The following SH3BGRL2 variants were observed in gnomAD, a reference collection of about 807,000 sequenced individuals.
SH3BGRL2 encodes the protein SH3 domain binding glutamate rich protein like 2, also known as SH3 domain-binding glutamic acid-rich-like protein 2.
SH3BGRL2 carries 21 observed loss-of-function variants against 14.8 expected under a neutral mutation model. The observed-to-expected ratio is 1.42, with a 90% CI of 1.01 to 2.05. The LOEUF (loss-of-function observed/expected upper bound fraction) is 2.05, where lower values mean the gene tolerates loss of function less well. Among genes scored for constraint, SH3BGRL2 ranks in the 30% most tolerant of loss-of-function variants. The pLI, the probability that SH3BGRL2 is intolerant of heterozygous loss-of-function variation, is 0.00. For missense variants in SH3BGRL2, 147 were observed against 130.8 expected (o/e 1.12, Z -0.61); for synonymous variants, 50 against 47.8 (o/e 1.05, Z -0.19).
In SH3BGRL2 at chr6:79,699,719, T is replaced by G. The variant is rs1163018038; in HGVS notation, c.*210T>G. The G allele has an allele frequency of 1.7e-6, 1 of 605,404 alleles. No homozygotes were observed. The highest frequency in any genetic ancestry group is 3.6e-5 in the Admixed American group (1 of 27,834). The allele number at this position is 605,404 out of a possible 1,614,324, so 37.5% of individuals were successfully genotyped here. On this transcript the variant is annotated 3_prime_UTR_variant, in exon 4 of 4. Transcript: ENST00000369838. Reference sequence around the variant, plus strand: ...ATCAGGTGGTGGATTTTTTTTTTCTTATTCTATTTGCCTGCAGTTGCCTCA... The same window carrying G: ...ATCAGGTGGTGGATTTTTTTTTTCTGATTCTATTTGCCTGCAGTTGCCTCA...
At chr6:79,565,403 GT>G in the SH3BGRL2 span, among the ~76,000 whole-genome samples, 1 of 151,862 alleles carries the variant, frequency 6.6e-6, no homozygotes, top group South Asian at 2.1e-4. Context: ...CAAATTCTAT[GT>G]TTTTTTACTA....
At chr6:79,603,181 T>C in the SH3BGRL2 span, among the ~76,000 whole-genome samples, 1 of 152,172 alleles carries the variant, frequency 6.6e-6, no homozygotes, top group African/African-American at 2.4e-5. Context: ...AAACCAGTTA[T>C]TTTTATTATT....
At chr6:79,587,875 CAAAG>C in the SH3BGRL2 span, among the ~76,000 whole-genome samples, 1 of 152,052 alleles carries the variant, frequency 6.6e-6, no homozygotes. Flanking sequence ...TGCAATAAGA[CAAAG>C]AAAAAAGAAG....
At chr6:79,572,510 G>C in the SH3BGRL2 span, among the ~76,000 whole-genome samples, 1 of 151,872 alleles carries the variant, frequency 6.6e-6, no homozygotes, top group Admixed American at 6.6e-5. Flanking sequence ...CTGTCGCCCA[G>C]GCTGGAGTGC....
At chr6:79,622,528 C>T in the SH3BGRL2 span, among the ~76,000 whole-genome samples, 5 of 152,294 alleles carry the variant, frequency 3.3e-5, no homozygotes, top group South Asian at 4.1e-4. Flanking sequence ...CTCACACAAC[C>T]ACTCACTCAT....
chr6:79,543,366 T>G, the SH3BGRL2 span, among the ~76,000 whole-genome samples: 1 of 152,196 alleles, frequency 6.6e-6, no homozygotes, highest in Non-Finnish European at 1.5e-5. Context: ...ACATGCAGGT[T>G]GTAGCTAACC....
chr6:79,561,232 C>T, the SH3BGRL2 span: 2 of 151,688 alleles, frequency 1.3e-5, no homozygotes, highest in African/African-American at 4.8e-5. Flanking sequence ...ACATTTAATA[C>T]TCTTAATAAT....
the SH3BGRL2 span, among the ~76,000 whole-genome samples, chr6:79,579,258 G>A: frequency 6.3e-3 from 966 of 152,206 alleles, 12 homozygotes; most frequent in African/African-American, 0.022. Context: ...TCCACAACCT[G>A]GCAAGGCAGG....
chr6:79,560,460 G>A, the SH3BGRL2 span, among the ~76,000 whole-genome samples: 2 of 152,230 alleles, frequency 1.3e-5, no homozygotes, highest in East Asian at 3.9e-4. Context: ...AGTATCCCTT[G>A]AGCTCAGGAG....
At chr6:79,620,621 A>G in the SH3BGRL2 span, among the ~76,000 whole-genome samples, 1 of 152,002 alleles carries the variant, frequency 6.6e-6, no homozygotes, top group African/African-American at 2.4e-5. Flanking sequence ...CCTGAAAAAA[A>G]GGGGAAGGGG....
the SH3BGRL2 span, among the ~76,000 whole-genome samples, chr6:79,570,951 A>G: frequency 1.3e-5 from 2 of 152,240 alleles, no homozygotes; most frequent in Non-Finnish European, 2.9e-5. Flanking sequence ...GAGCCTCAGT[A>G]CTGGTGGCAA....
chr6:79,543,558 C>T, the SH3BGRL2 span, among the ~76,000 whole-genome samples: 3 of 152,142 alleles, frequency 2.0e-5, no homozygotes, highest in African/African-American at 7.2e-5. Context: ...TTTTTTAAAG[C>T]TTGGTTTCTG....
At chr6:79,641,704 C>G (rs1032432213) in intron 1 of SH3BGRL2, among the ~76,000 whole-genome samples, 2 of 152,068 alleles carry the variant, frequency 1.3e-5, no homozygotes, top group African/African-American at 4.8e-5. Context: ...GTGCATGTTA[C>G]CTACTTTTTC....
chr6:79,682,748 C>A (rs1322861971), intron 2 of SH3BGRL2, among the ~76,000 whole-genome samples: 3 of 152,204 alleles, frequency 2.0e-5, no homozygotes, highest in East Asian at 1.9e-4. Context: ...TGTAAAGACA[C>A]ATGCACACAT....
At chr6:79,619,404 T>C in the SH3BGRL2 span, among the ~76,000 whole-genome samples, 1 of 152,234 alleles carries the variant, frequency 6.6e-6, no homozygotes, top group Admixed American at 6.5e-5. Context: ...CCTCATTCTT[T>C]ATTGTTACTG....
intron 2 of SH3BGRL2, 72 bp downstream of exon 2, chr6:79,673,871 G>A: frequency 6.7e-7 from 1 of 1,487,666 alleles, no homozygotes; most frequent in South Asian, 1.3e-5. Context: ...AGTGCAGGTG[G>A]GTTTTTCCAG....
chr6:79,586,235 C>CTT, the SH3BGRL2 span, among the ~76,000 whole-genome samples: 436 of 54,968 alleles, frequency 7.9e-3, 63 homozygotes, highest in East Asian at 0.016. Context: ...GTATGGACTT[C>CTT]TTTTTTTTTT....
upstream of SH3BGRL2, among the ~76,000 whole-genome samples, chr6:79,627,404 G>A (rs761953858): frequency 3.9e-5 from 6 of 152,250 alleles, no homozygotes; most frequent in African/African-American, 1.4e-4. Context: ...GAAGGGCTGT[G>A]GGTTGACAGG....
intron 1 of SH3BGRL2, among the ~76,000 whole-genome samples, chr6:79,653,569 G>A (rs962739292): frequency 6.6e-6 from 1 of 152,166 alleles, no homozygotes; most frequent in Non-Finnish European, 1.5e-5. Context: ...AAGAAATAAA[G>A]GAGAGTACAT....
Sources: allele counts gnomAD v4.1 joint callset (sites outside exome capture counted in the v4.1 genomes callset), GRCh38; gene constraint gnomAD v4.1.1; transcripts MANE v1.5; gene names NCBI Gene and HGNC (gene_info 2026-07-23, HGNC 2026-07-21).